Variants in SH3TC2 observed in about 807,000 individuals in gnomAD.
The protein encoded by SH3TC2 is SH3 domain and tetratricopeptide repeat-containing protein 2.
SH3TC2 carries 87 observed loss-of-function variants against 124.5 expected under a neutral mutation model. The observed-to-expected ratio is 0.70, with a 90% CI of 0.59 to 0.84. SH3TC2 has a LOEUF of 0.84. Among genes scored for constraint, SH3TC2 ranks in the 40% least tolerant of loss-of-function variants. SH3TC2 has a pLI of 0.00. For synonymous variants in SH3TC2, 634 were observed against 628.5 expected (o/e 1.01, Z -0.13); for missense variants, 1,536 against 1,566.4 (o/e 0.98, Z 0.33).
At chr5:149,030,573 C>T (rs182387148) in intron 9 of SH3TC2, among the ~76,000 whole-genome samples, 4 of 152,372 alleles carry the variant, frequency 2.6e-5, no homozygotes, top group Non-Finnish European at 5.9e-5. Context: ...TGCTCAACCT[C>T]ATAAGGCAAT....
rs1396473112 is a variant in SH3TC2, at chr5:149,004,908, C to A, written c.3676-6G>T. On this transcript the variant is annotated splice_region_variant and splice_polypyrimidine_tract_variant and intron_variant, in intron 16 of 16. Transcript: ENST00000515425. ...TCAGTGGCATCATGGGCATCCTAAC[C>A]CCGTGGTATGGGGGCAAAGAAGAGA... 1 of 1,614,156 alleles carries A rather than the reference C, an allele frequency of 6.2e-7. No individual in the cohort carries two copies. The highest frequency in any genetic ancestry group is 1.7e-5 in the Admixed American group (1 of 60,028).
At chr5:149,050,178 C>A (rs1754532789) in intron 2 of SH3TC2, among the ~76,000 whole-genome samples, 1 of 152,194 alleles carries the variant, frequency 6.6e-6, no homozygotes, top group Non-Finnish European at 1.5e-5. Flanking sequence ...ACCGTGAGAA[C>A]TGATACTTAG....
At chr5:149,012,496 T>C in intron 13 of SH3TC2, 88 bp downstream of exon 13, 1 of 1,523,584 alleles carries the variant, frequency 6.6e-7, no homozygotes, top group Non-Finnish European at 9.1e-7. Context: ...CATCCCTCTC[T>C]GGTTCCCCCT....
At chr5:149,028,800 TG>T in intron 9 of SH3TC2, 82 bp from the exon 10 acceptor site, 2 of 1,450,626 alleles carry the variant, frequency 1.4e-6, no homozygotes, top group Non-Finnish European at 1.9e-6. Context: ...CCCAGATCAG[TG>T]GCCTCTTAGG....
chr5:149,050,399 C>G (rs773888347), intron 2 of SH3TC2, among the ~76,000 whole-genome samples: 4 of 152,176 alleles, frequency 2.6e-5, no homozygotes, highest in African/African-American at 9.7e-5. Context: ...CAGCCATCTC[C>G]CCTTCTCACT....
In SH3TC2 at chr5:149,041,618, C is replaced by T. The variant is rs1580910061; in HGVS notation, c.530-1G>A. ...CACAGGGCTCTGCAGAAGAAGTGGC[C>T]TGTGGATAATGAGAAAAGCAATGGC... On this transcript the variant is annotated splice_acceptor_variant, in intron 5 of 16. Transcript: ENST00000515425. LOFTEE classifies it high-confidence loss of function. 6.2e-7 allele frequency: 1 copy of T among 1,614,126 alleles called. No homozygotes were observed. The highest frequency in any genetic ancestry group is 8.5e-7 in the Non-Finnish European group (1 of 1,180,026).
intron 15 of SH3TC2, 37 bp downstream of exon 15, chr5:149,008,814 C>T (rs191877271): frequency 2.4e-5 from 38 of 1,613,126 alleles, no homozygotes; most frequent in Non-Finnish European, 3.1e-5. Context: ...CTAATCACCC[C>T]TCTCATTCAA....
At chr5:149,006,758 G>A in intron 16 of SH3TC2, 123 bp downstream of exon 16, 1 of 991,182 alleles carries the variant, frequency 1.0e-6, no homozygotes, top group Non-Finnish European at 1.6e-6. Flanking sequence ...TATGAGACAA[G>A]ACTTCTCATC....
rs577321794 is a variant in SH3TC2, at chr5:149,004,387, G to C, written c.*324C>G. 3.2e-6 allele frequency: 1 copy of C among 310,274 alleles called. No individual in the cohort carries two copies. Among genetic ancestry groups the C allele is most frequent in the Non-Finnish European group, 6.0e-6 (1 of 166,218 alleles). 19.2% of individuals were successfully genotyped at this position (310,274 alleles called of 1,614,324 possible). On this transcript the variant is annotated 3_prime_UTR_variant, in exon 17 of 17. Coordinates refer to ENST00000515425, the MANE Select transcript of SH3TC2 (RefSeq NM_024577.4). ...TTTCCTCATTGGGGGAGGAAGGAAGGCTCCTGGAGGGCAAGATCCCTCATC... is the reference window on the plus strand; with the variant it reads ...TTTCCTCATTGGGGGAGGAAGGAAGCCTCCTGGAGGGCAAGATCCCTCATC...
Position 148,990,617 on chromosome 5 carries a change from G to T in SH3TC2, c.*14094C>A, listed in dbSNP as rs1169692980. On this transcript the variant is annotated 3_prime_UTR_variant, in exon 17 of 17. Transcript: ENST00000515425. ...AGTTACTGAACTTCTCCAAGACCTT[G>T]TTTCCTCACCTATAAAATGGGCATG... Among the ~76,000 whole-genome samples, 1 of 152,144 alleles carries T rather than the reference G, an allele frequency of 6.6e-6. No individual in the cohort carries two copies. The highest frequency in any genetic ancestry group is 1.5e-5 in the Non-Finnish European group (1 of 68,040).
chr5:149,005,137 T>A (rs1486346837), intron 16 of SH3TC2, among the ~76,000 whole-genome samples: 1 of 152,250 alleles, frequency 6.6e-6, no homozygotes, highest in East Asian at 1.9e-4. Flanking sequence ...GGTGGTCCCT[T>A]ACTGAGGCTC....
Position 148,983,587 on chromosome 5 carries a change from A to G in SH3TC2, c.*21124T>C, listed in dbSNP as rs891076517. ...TACTGATTTCATCTTGCTGAAGTGC[A>G]CATTCCCCTTCCAGTAACAGCAATC... On this transcript the variant is annotated 3_prime_UTR_variant, in exon 17 of 17. Transcript: ENST00000515425. 2.0e-5 allele frequency among the ~76,000 whole-genome samples: 3 copies of G among 152,190 alleles called. No homozygotes were observed. Among genetic ancestry groups the G allele is most frequent in the Admixed American group, 6.5e-5 (1 of 15,280 alleles).
intron 8 of SH3TC2, chr5:149,036,053 C>T (rs1323551876): frequency 1.3e-5 from 2 of 152,172 alleles, no homozygotes; most frequent in African/African-American, 4.8e-5. Context: ...ATTCTAAGGG[C>T]TTTGTGTGTA....
At chr5:149,058,780 A>G (rs111681111) in intron 1 of SH3TC2, among the ~76,000 whole-genome samples, 2 of 152,128 alleles carry the variant, frequency 1.3e-5, no homozygotes, top group Non-Finnish European at 2.9e-5. Flanking sequence ...TCAAGATGGC[A>G]GAGCACTTTA....
intron 8 of SH3TC2, among the ~76,000 whole-genome samples, chr5:149,035,214 A>C (rs1343866092): frequency 1.3e-5 from 2 of 152,234 alleles, no homozygotes; most frequent in Admixed American, 6.5e-5. Flanking sequence ...TAAAAGAAGG[A>C]ATGTAACAAA....
chr5:149,028,627 A>G (rs541765007), intron 10 of SH3TC2, 50 bp downstream of exon 10: 3 of 1,613,736 alleles, frequency 1.9e-6, no homozygotes, highest in African/African-American at 2.7e-5. Flanking sequence ...AAGAGGACAG[A>G]AGTGCTGTCC....
At chr5:149,044,668 G>A in intron 3 of SH3TC2, 30 bp from the exon 4 acceptor site, 1 of 1,565,864 alleles carries the variant, frequency 6.4e-7, no homozygotes. Context: ...AGTCAGCCTG[G>A]GATGACAGAA....
At position 148,995,097 on chromosome 5, in the gene SH3TC2, C is replaced by T. The variant is rs1434002056; in HGVS notation, c.*9614G>A. Among the ~76,000 whole-genome samples, 1 of 152,076 alleles carries T rather than the reference C, an allele frequency of 6.6e-6. No homozygotes were observed. The highest frequency in any genetic ancestry group is 1.9e-4 in the East Asian group (1 of 5,194). On this transcript the variant is annotated 3_prime_UTR_variant, in exon 17 of 17. Coordinates refer to ENST00000515425, the MANE Select transcript of SH3TC2 (RefSeq NM_024577.4). Reference sequence around the variant, plus strand: ...CAATAAGGCTTATATAAGCCAAGGTCCCTGCTCCCTAGATTTTCTATCATC... The same window carrying T: ...CAATAAGGCTTATATAAGCCAAGGTTCCTGCTCCCTAGATTTTCTATCATC...
At position 149,026,308 on chromosome 5, in the gene SH3TC2, T is replaced by C. The variant is rs1580899278; in HGVS notation, c.3053+264A>G. ...TTTATGAGCATTAACTCATTTATCC[T>C]TCACAATAACACTATAAGATAGATG... On this transcript the variant is annotated intron_variant, in intron 12 of 16. Transcript: ENST00000515425. 5.8e-6 allele frequency: 3 copies of C among 519,556 alleles called. No individual in the cohort carries two copies. The East Asian group carries it at 1.0e-4, about 18-fold the overall frequency. 32.2% of individuals were successfully genotyped at this position (519,556 alleles called of 1,614,324 possible). A position where few individuals can be genotyped will look rare whatever the true frequency, so the allele number is the denominator to read the frequency against.
Sources: gnomAD v4.1 joint callset for allele counts (sites outside exome capture counted in the v4.1 genomes callset) on GRCh38, gnomAD v4.1.1 for gene constraint, MANE v1.5 for transcripts, NCBI Gene and HGNC (gene_info 2026-07-23, HGNC 2026-07-21) for gene names.